Variants in CEP57 observed in about 807,000 individuals in gnomAD.
CEP57 encodes the protein centrosomal protein of 57 kDa.
Under a neutral mutation model 68.0 loss-of-function variants are expected in CEP57, and 40 were observed. The ratio of observed to expected loss-of-function variants is 0.59; its 90% confidence interval spans 0.46 to 0.77. The LOEUF (loss-of-function observed/expected upper bound fraction) is 0.77. CEP57 is among the 30% of genes least tolerant of loss of function. The probability of loss-of-function intolerance (pLI) is 0.00; values close to 1 mark genes in which losing one functional copy is unlikely to be tolerated. For missense variants in CEP57, 606 were observed against 580.7 expected, an observed-to-expected ratio of 1.04 and a Z score of -0.45; for synonymous variants, 219 against 198.7, an observed-to-expected ratio of 1.10 and a Z score of -0.86.
At chr11:95,792,368 G>A (rs1488375586) in intron 1 of CEP57, among the ~76,000 whole-genome samples, 1 of 152,222 alleles carries the variant, frequency 6.6e-6, no homozygotes, top group Non-Finnish European at 1.5e-5. Context: ...CGTGGCTCAT[G>A]CCTGTAATAC....
intron 2 of CEP57, among the ~76,000 whole-genome samples, chr11:95,806,011 T>C (rs759885203): frequency 2.6e-5 from 4 of 152,100 alleles, no homozygotes; most frequent in Non-Finnish European, 4.4e-5. Flanking sequence ...TCCAAGTATA[T>C]AAAGAAAGAA....
intron 5 of CEP57, among the ~76,000 whole-genome samples, chr11:95,818,345 A>T (rs1299551004): frequency 6.6e-6 from 1 of 150,676 alleles, no homozygotes; most frequent in Non-Finnish European, 1.5e-5. Flanking sequence ...CAGGAGGCGG[A>T]GGTTGTTGTG....
intron 10 of CEP57, among the ~76,000 whole-genome samples, chr11:95,830,298 C>A (rs1862946464): frequency 1.3e-5 from 2 of 152,104 alleles, no homozygotes; most frequent in South Asian, 4.1e-4. Context: ...ATGAAACTAG[C>A]CTTTTCAACT....
In CEP57 at chr11:95,804,721, TATAA is replaced by T. The variant is rs200470425; in HGVS notation, c.202+5336_202+5339del. Among the ~76,000 whole-genome samples, 93 of 152,318 alleles carry T rather than the reference TATAA, an allele frequency of 6.1e-4. 3 individuals are homozygous for T. In the East Asian group the frequency reaches 0.018, roughly 29 times the overall value. ...CATTGTTAATGAAAATGCTTAATAT[TATAA>T]ATTGCATTTAAAGTGTGCTCATATA... On this transcript the variant is annotated intron_variant, in intron 2 of 10. Coordinates refer to ENST00000325542, the MANE Select transcript of CEP57 (RefSeq NM_014679.5).
chr11:95,822,722 T>C, intron 8 of CEP57, 146 bp downstream of exon 8: 1 of 449,724 alleles, frequency 2.2e-6, no homozygotes, highest in Non-Finnish European at 4.4e-6. Flanking sequence ...AAATGAGATG[T>C]AGGGAGGTTT....
At chr11:95,799,876 T>C (rs1437603666) in intron 2 of CEP57, among the ~76,000 whole-genome samples, 1 of 152,220 alleles carries the variant, frequency 6.6e-6, no homozygotes, top group Non-Finnish European at 1.5e-5. Flanking sequence ...CATCTCTTCA[T>C]AGCTTACATA....
At chr11:95,790,408 T>G (rs114370202), upstream of CEP57, 5 of 520,226 alleles carry the variant, frequency 9.6e-6, no homozygotes, top group African/African-American at 7.6e-5. Flanking sequence ...CCTTGTGACG[T>G]CACCAGGGAA....
At position 95,790,515 on chromosome 11, in the gene CEP57, G is replaced by A. The variant is rs1049637656; in HGVS notation, c.-184G>A. The A allele has an allele frequency of 9.3e-6, 6 of 643,288 alleles. No individual in the cohort carries two copies. The highest frequency in any genetic ancestry group is 1.8e-5 in the African/African-American group (1 of 54,640). 39.8% of individuals were successfully genotyped at this position (643,288 alleles called of 1,614,324 possible). A position where few individuals can be genotyped will look rare whatever the true frequency, so the allele number is the denominator to read the frequency against. On this transcript the variant is annotated 5_prime_UTR_variant, in exon 1 of 11. Coordinates refer to ENST00000325542, the MANE Select transcript of CEP57 (RefSeq NM_014679.5). ...GTGTTGCCCTTTCTGTGTAAGCTGT[G>A]AGCGTAGGCGGCCCTGAGGGGGTGT...
In CEP57 at chr11:95,822,481, CCTTTT is replaced by C. The variant is rs1323476356; in HGVS notation, c.808-11_808-7del. ...CATGTGAATAAAATAAAATTGTTTT[CCTTTT>C]CTTTTCATTCAGAAAAGTTCTAGGA... On this transcript the variant is annotated splice_polypyrimidine_tract_variant and intron_variant, in intron 7 of 10. Coordinates refer to ENST00000325542, the MANE Select transcript of CEP57 (RefSeq NM_014679.5). 2.5e-6 allele frequency: 4 copies of C among 1,589,084 alleles called. No homozygotes were observed. Among genetic ancestry groups the C allele is most frequent in the Admixed American group, 3.3e-5 (2 of 59,914 alleles).
At chr11:95,829,677 TTAAA>T (rs1862919558) in intron 10 of CEP57, among the ~76,000 whole-genome samples, 1 of 152,230 alleles carries the variant, frequency 6.6e-6, no homozygotes, top group South Asian at 2.1e-4. Flanking sequence ...AAGTCATACA[TTAAA>T]TATGTGAAAT....
At chr11:95,790,433 C>A (rs997721348), upstream of CEP57, 5 of 568,622 alleles carry the variant, frequency 8.8e-6, no homozygotes, top group East Asian at 1.5e-4. Context: ...CGGATTCTCT[C>A]CTACTACAGA....
chr11:95,822,023 A>G (rs1300891824), intron 7 of CEP57, 45 bp downstream of exon 7: 5 of 1,309,796 alleles, frequency 3.8e-6, no homozygotes, highest in Non-Finnish European at 5.5e-6. Context: ...ATTACTTGGT[A>G]TAGTTTATGT....
At chr11:95,798,555 A>C (rs61903284) in intron 1 of CEP57, among the ~76,000 whole-genome samples, 9,929 of 152,224 alleles carry the variant, frequency 0.065, 413 homozygotes, top group Middle Eastern at 0.13. Context: ...TACTTCCCCC[A>C]GTCTAGGACC....
intron 8 of CEP57, among the ~76,000 whole-genome samples, chr11:95,825,242 T>C (rs1862688692): frequency 1.3e-5 from 2 of 152,192 alleles, no homozygotes; most frequent in South Asian, 4.1e-4. Context: ...ATCATTTTTA[T>C]AGAAAAAGTC....
rs2135372652 is a variant in CEP57 at position 95,827,732 on chromosome 11, G to A, written c.886-54G>A. The A allele has an allele frequency of 1.9e-6, 3 of 1,607,602 alleles. No individual in the cohort carries two copies. The South Asian group carries it at 3.3e-5, about 18-fold the overall frequency. Reference sequence around the variant, plus strand: ...TTTACCTAGGCTTAGGGAATAGAAAGTGGTGTAGAGAATATAACTTCAATT... The same window carrying A: ...TTTACCTAGGCTTAGGGAATAGAAAATGGTGTAGAGAATATAACTTCAATT... On this transcript the variant is annotated intron_variant, in intron 8 of 10. Transcript: ENST00000325542.
chr11:95,812,328 A>C (rs1450083114), intron 2 of CEP57, among the ~76,000 whole-genome samples: 2 of 152,116 alleles, frequency 1.3e-5, no homozygotes, highest in Non-Finnish European at 2.9e-5. Context: ...TGATTGGCTA[A>C]ATTTTTTACC....
At chr11:95,821,639 T>C (rs1555052211) in intron 6 of CEP57, among the ~76,000 whole-genome samples, 1 of 152,204 alleles carries the variant, frequency 6.6e-6, no homozygotes. Context: ...TGTTCCACGC[T>C]GAAGAAGGGA....
intron 6 of CEP57, among the ~76,000 whole-genome samples, chr11:95,821,046 T>G (rs1432074116): frequency 6.6e-6 from 1 of 152,206 alleles, no homozygotes; most frequent in Admixed American, 6.5e-5. Context: ...GGGGAACTCT[T>G]AAAATACTTT....
intron 2 of CEP57, among the ~76,000 whole-genome samples, chr11:95,801,766 A>C (rs1203581228): frequency 6.6e-6 from 1 of 152,086 alleles, no homozygotes; most frequent in Admixed American, 6.6e-5. Context: ...TAATAGAGCT[A>C]AATTCTGCTT....
Sources: gnomAD v4.1 joint callset for allele counts (sites outside exome capture counted in the v4.1 genomes callset) on GRCh38, gnomAD v4.1.1 for gene constraint, MANE v1.5 for transcripts, NCBI Gene and HGNC (gene_info 2026-07-23, HGNC 2026-07-21) for gene names.